Variants in NPTN observed in about 807,000 individuals in gnomAD.
NPTN encodes SDR-1.
NPTN carries 5 observed loss-of-function variants against 42.7 expected under a neutral mutation model. The ratio of observed to expected loss-of-function variants is 0.12; its 90% CI spans 0.06 to 0.25. NPTN has a LOEUF of 0.25. NPTN is among the 10% of genes least tolerant of loss of function. The pLI, the probability that NPTN is intolerant of heterozygous loss-of-function variation, is 1.00. For missense variants in NPTN, 307 were observed against 525.4 expected (o/e 0.58, Z 4.06); for synonymous variants, 180 against 201.9 (o/e 0.89, Z 0.92).
chr15:73,586,134 C>G (rs1361860647), intron 4 of NPTN, among the ~76,000 whole-genome samples: 2 of 152,238 alleles, frequency 1.3e-5, no homozygotes, highest in African/African-American at 4.8e-5. Context: ...CCCACTCTTT[C>G]CTTCCCTCAC....
intron 4 of NPTN, among the ~76,000 whole-genome samples, chr15:73,580,390 AATATATATATT>A (rs1255969293): frequency 1.5e-5 from 2 of 132,002 alleles, no homozygotes; most frequent in East Asian, 2.0e-4. Flanking sequence ...AAAACTTTAA[AATATATATATT>A]ATATATATAA....
At chr15:73,610,921 A>G (rs145601729) in intron 1 of NPTN, among the ~76,000 whole-genome samples, 3 of 152,172 alleles carry the variant, frequency 2.0e-5, no homozygotes, top group Admixed American at 6.5e-5. Context: ...TGGTTTCTCA[A>G]TTTAAAAAAA....
intron 1 of NPTN, among the ~76,000 whole-genome samples, chr15:73,605,095 C>G: frequency 7.6e-6 from 1 of 132,028 alleles, no homozygotes; most frequent in Non-Finnish European, 1.5e-5. Context: ...GAGACCCTGT[C>G]TCAAGGGGGG....
chr15:73,630,743 T>A (rs536632490), intron 1 of NPTN, among the ~76,000 whole-genome samples: 1 of 152,370 alleles, frequency 6.6e-6, no homozygotes, highest in Non-Finnish European at 1.5e-5. Flanking sequence ...TTCAACATCA[T>A]GCACAAGCAA....
chr15:73,563,213 T>A (rs1193830599), intron 7 of NPTN, 23 bp downstream of exon 7: 5 of 1,465,018 alleles, frequency 3.4e-6, no homozygotes, highest in Non-Finnish European at 4.8e-6. Context: ...TACTGTTGAA[T>A]CAATGTCCAA....
intron 1 of NPTN, among the ~76,000 whole-genome samples, chr15:73,620,758 C>G (rs1241385273): frequency 6.6e-6 from 1 of 152,182 alleles, no homozygotes; most frequent in Non-Finnish European, 1.5e-5. Context: ...AAGAGCTGTT[C>G]ACCTTTTCAG....
intron 8 of NPTN, among the ~76,000 whole-genome samples, chr15:73,561,375 CAT>C (rs1187640713): frequency 6.6e-6 from 1 of 152,178 alleles, no homozygotes; most frequent in East Asian, 1.9e-4. Context: ...TTTATATAAA[CAT>C]GTGACACAAT....
chr15:73,565,890 AG>A, intron 6 of NPTN: 1 of 442,194 alleles, frequency 2.3e-6, no homozygotes, highest in South Asian at 1.6e-5. Flanking sequence ...TGCAATGTCT[AG>A]TAAATAACGG....
At chr15:73,581,920 C>T (rs1204679360) in intron 4 of NPTN, among the ~76,000 whole-genome samples, 4 of 152,094 alleles carry the variant, frequency 2.6e-5, no homozygotes, top group African/African-American at 7.2e-5. Context: ...CTGCAACCTC[C>T]GCCTCCCGGG....
At chr15:73,593,079 T>C (rs1293065950) in intron 2 of NPTN, among the ~76,000 whole-genome samples, 4 of 152,126 alleles carry the variant, frequency 2.6e-5, no homozygotes, top group African/African-American at 7.2e-5. Flanking sequence ...GTATATATAC[T>C]TCACCTTCTG....
At chr15:73,587,470 A>C in intron 4 of NPTN, 54 bp downstream of exon 4, 1 of 1,250,870 alleles carries the variant, frequency 8.0e-7, no homozygotes, top group South Asian at 1.2e-5. Context: ...AGACCAAGGT[A>C]CTGTCTTGGA....
intron 1 of NPTN, among the ~76,000 whole-genome samples, chr15:73,602,723 G>A (rs1194832308): frequency 1.3e-5 from 2 of 152,158 alleles, no homozygotes; most frequent in Non-Finnish European, 2.9e-5. Context: ...AGAGGAAATG[G>A]GGTAACCTCA....
At chr15:73,590,691 G>A (rs1807621208) in intron 3 of NPTN, among the ~76,000 whole-genome samples, 1 of 152,086 alleles carries the variant, frequency 6.6e-6, no homozygotes, top group Non-Finnish European at 1.5e-5. Context: ...GAGCCCGGGA[G>A]GCAGAGGCTG....
chr15:73,603,407 C>T (rs1897155257), intron 1 of NPTN, among the ~76,000 whole-genome samples: 1 of 152,186 alleles, frequency 6.6e-6, no homozygotes, highest in Non-Finnish European at 1.5e-5. Flanking sequence ...AAAAAACTAA[C>T]CTTAACCTTC....
chr15:73,590,736 C>T (rs2141397130), intron 3 of NPTN, among the ~76,000 whole-genome samples: 2 of 151,948 alleles, frequency 1.3e-5, no homozygotes, highest in Non-Finnish European at 1.5e-5. Flanking sequence ...CACTCCAGCC[C>T]GGGAGGCAGA....
chr15:73,580,573 A>T (rs1325041770), intron 4 of NPTN, among the ~76,000 whole-genome samples: 1 of 120,838 alleles, frequency 8.3e-6, no homozygotes, highest in Non-Finnish European at 1.8e-5. Flanking sequence ...TACATGTTAT[A>T]TATGTATATA....
chr15:73,605,785 T>C (rs954623059), intron 1 of NPTN, among the ~76,000 whole-genome samples: 2 of 151,870 alleles, frequency 1.3e-5, no homozygotes, highest in African/African-American at 2.4e-5. Context: ...CAGCTCACAA[T>C]TGAACCCCTC....
At chr15:73,562,873 G>A (rs1894765158) in intron 7 of NPTN, among the ~76,000 whole-genome samples, 1 of 152,038 alleles carries the variant, frequency 6.6e-6, no homozygotes, top group Non-Finnish European at 1.5e-5. Flanking sequence ...TACAGGTTGA[G>A]TATTCCTCAT....
intron 1 of NPTN, among the ~76,000 whole-genome samples, chr15:73,616,761 AG>A (rs1028476004): frequency 3.9e-5 from 6 of 152,216 alleles, no homozygotes; most frequent in African/African-American, 1.4e-4. Context: ...CCCAAACACC[AG>A]TAAAAAATAT....
Sources: gnomAD v4.1 joint callset for allele counts (sites outside exome capture counted in the v4.1 genomes callset) on GRCh38, gnomAD v4.1.1 for gene constraint, MANE v1.5 for transcripts, NCBI Gene and HGNC (gene_info 2026-07-23, HGNC 2026-07-21) for gene names.